The following MMP28 variants were observed in gnomAD, a reference collection of about 807,000 sequenced individuals.
MMP28 encodes the protein matrix metalloproteinase-28.
A neutral mutation model predicts 60.5 loss-of-function variants in MMP28; 55 were observed. The observed-to-expected ratio is 0.91, with a 90% CI of 0.73 to 1.14. MMP28 has a LOEUF of 1.14. MMP28 is among the 50% of genes most tolerant of loss of function. The probability of loss-of-function intolerance (pLI) is 0.00; values close to 1 mark genes in which losing one functional copy is unlikely to be tolerated. For synonymous variants in MMP28, 318 were observed against 312.5 expected, an observed-to-expected ratio of 1.02 and a Z score of -0.18; for missense variants, 686 against 738.3, an observed-to-expected ratio of 0.93 and a Z score of 0.82.
At chr17:35,764,069 G>A (rs950878139), downstream of MMP28, 6 of 1,550,100 alleles carry the variant, frequency 3.9e-6, no homozygotes, top group Admixed American at 2.0e-5. Context: ...CGCGGAGCAA[G>A]AGGAAGGGAA....
chr17:35,771,555 G>A (rs2086140995), intron 4 of MMP28, among the ~76,000 whole-genome samples: 1 of 149,752 alleles, frequency 6.7e-6, no homozygotes, highest in South Asian at 2.1e-4. Flanking sequence ...GGAGCATTCA[G>A]TGTATGAAAG....
chr17:35,771,736 T>A lies in MMP28; in HGVS notation c.605-1424A>T, dbSNP rs1168720366. ...ATATATATATATATATATATATATA[T>A]ATATATATATATATATATAAAATTG... On this transcript the variant is annotated intron_variant, in intron 4 of 7. Coordinates refer to ENST00000605424, the MANE Select transcript of MMP28 (RefSeq NM_024302.5). 6.2e-4 allele frequency among the ~76,000 whole-genome samples: 57 copies of A among 92,432 alleles called. 4 individuals carry two copies. The highest frequency in any genetic ancestry group is 1.9e-3 in the African/African-American group (47 of 24,280). The allele number at this position is 92,432 out of a possible 152,430, so 60.6% of individuals were successfully genotyped here.
At chr17:35,771,739 AT>A (rs2086158806) in intron 4 of MMP28, among the ~76,000 whole-genome samples, 7 of 73,550 alleles carry the variant, frequency 9.5e-5, no homozygotes, top group African/African-American at 3.5e-4. Flanking sequence ...ATATATATAT[AT>A]ATATATATAT....
chr17:35,764,844 C>A, downstream of MMP28: 1 of 427,672 alleles, frequency 2.3e-6, no homozygotes, highest in Non-Finnish European at 4.1e-6. Context: ...ACCTAGAGCC[C>A]GCTGTCAACA....
chr17:35,777,437 A>G lies in MMP28; in HGVS notation c.379+1451T>C, dbSNP rs149956862. On this transcript the variant is annotated intron_variant, in intron 3 of 7. Transcript: ENST00000605424. ...TACTGAGGACCCAGAGTGGCTGGGC[A>G]TATAGGTGAAGCAGAATTGGTTTGG... Among the ~76,000 whole-genome samples, 445 of 152,314 alleles carry G rather than the reference A, an allele frequency of 2.9e-3. 1 individual carries two copies. Among genetic ancestry groups the G allele is most frequent in the African/African-American group, 0.01 (419 of 41,574 alleles).
downstream of MMP28, among the ~76,000 whole-genome samples, chr17:35,763,565 C>A (rs1555601940): frequency 6.7e-6 from 1 of 149,866 alleles, no homozygotes; most frequent in Non-Finnish European, 1.5e-5. Flanking sequence ...AGATTACAGG[C>A]GTGAGCCACC....
chr17:35,764,784 T>C, downstream of MMP28: 1 of 728,920 alleles, frequency 1.4e-6, no homozygotes, highest in South Asian at 2.2e-5. Flanking sequence ...CCACTGTTGG[T>C]GCTTGGTTCC....
chr17:35,774,734 C>T (rs1164567708), intron 3 of MMP28, among the ~76,000 whole-genome samples: 2 of 152,210 alleles, frequency 1.3e-5, no homozygotes, highest in African/African-American at 4.8e-5. Context: ...GCCACCCAAC[C>T]TCTGCCTCCC....
chr17:35,763,438 C>CTT (rs782005643), downstream of MMP28, among the ~76,000 whole-genome samples: 703 of 101,394 alleles, frequency 6.9e-3, 4 homozygotes, highest in African/African-American at 0.02. Flanking sequence ...CCATGCCCAG[C>CTT]TTTTTTTTTT....
chr17:35,767,654 C>T (rs932811087), intron 7 of MMP28, 98 bp downstream of exon 7: 24 of 1,396,746 alleles, frequency 1.7e-5, no homozygotes, highest in African/African-American at 4.3e-5. Flanking sequence ...ACCATGGACT[C>T]GTGTGAGAGT....
chr17:35,761,271 T>C (rs2085814654), downstream of MMP28, among the ~76,000 whole-genome samples: 2 of 151,268 alleles, frequency 1.3e-5, no homozygotes, highest in African/African-American at 4.9e-5. Flanking sequence ...ACCCAGCTAA[T>C]TTTTGTATTT....
intron 4 of MMP28, among the ~76,000 whole-genome samples, 156 bp from the exon 5 acceptor site, chr17:35,770,468 CAGT>C (rs1421773438): frequency 6.6e-6 from 1 of 152,196 alleles, no homozygotes; most frequent in Non-Finnish European, 1.5e-5. Context: ...CAGAGGTGAA[CAGT>C]AGGCTCTGCA....
intron 1 of MMP28, among the ~76,000 whole-genome samples, chr17:35,793,914 A>G (rs113756161): frequency 0.092 from 13,924 of 152,112 alleles, 792 homozygotes; most frequent in East Asian, 0.22. Context: ...CCTGGCCAAT[A>G]TGGTGAAACC....
Position 35,767,690 on chromosome 17 carries a change from C to T in MMP28, c.1168+62G>A. The T allele has an allele frequency of 7.2e-6, 11 of 1,537,564 alleles. 1 individual carries two copies. Among genetic ancestry groups the T allele is most frequent in the Middle Eastern group, 1.9e-4 (1 of 5,396 alleles). The stretch of plus-strand genomic sequence containing the variant: ...CTTCCCCTCTTTTGTCCTCTTTTGA[C>T]CTTGGGCAGGACACCTTCCCTCTCT... On this transcript the variant is annotated intron_variant, in intron 7 of 7. Coordinates refer to ENST00000605424, the MANE Select transcript of MMP28 (RefSeq NM_024302.5).
At chr17:35,768,123 G>A in intron 6 of MMP28, 107 bp downstream of exon 6, 1 of 1,429,982 alleles carries the variant, frequency 7.0e-7, no homozygotes. Context: ...TGTGGCTTGG[G>A]ATTTCTGGCT....
chr17:35,768,630 T>C (rs55787206), intron 5 of MMP28, among the ~76,000 whole-genome samples: 1,686 of 152,106 alleles, frequency 0.011, 30 homozygotes, highest in African/African-American at 0.039. Flanking sequence ...TTGCCAATGG[T>C]GAAACCCTGT....
Position 35,778,967 on chromosome 17 carries a change from C to A in MMP28, c.300G>T (p.Ala100=), listed in dbSNP as rs2086414189. The change falls in exon 3 of 8, where the codon GCG becomes GCT. Residue 100 remains alanine, a synonymous_variant. Coordinates refer to ENST00000605424, the MANE Select transcript of MMP28 (RefSeq NM_024302.5). ...AGTCACTGATCCTCTCAGCCCAGGC[C>A]GCATAACTGTTGGTATCTGTAACCC... ...RCGVTDTNSY[A]AWAERISDLF... The A allele has an allele frequency of 1.2e-6, 2 of 1,613,934 alleles. No individual in the cohort carries two copies. The highest frequency in any genetic ancestry group is 8.5e-7 in the Non-Finnish European group (1 of 1,179,920).
intron 1 of MMP28, among the ~76,000 whole-genome samples, chr17:35,785,541 G>A (rs1336126093): frequency 4.6e-5 from 7 of 152,044 alleles, no homozygotes; most frequent in Non-Finnish European, 1.0e-4. Flanking sequence ...TCCGCCTCCC[G>A]AGTTCACACC....
At chr17:35,765,175 T>C (rs1168814194), downstream of MMP28, 1 of 152,304 alleles carries the variant, frequency 6.6e-6, no homozygotes, top group Non-Finnish European at 1.5e-5. Flanking sequence ...CTTCCCTCTC[T>C]ACCCCAGAAC....
Sources: gnomAD v4.1 joint callset for allele counts (sites outside exome capture counted in the v4.1 genomes callset) on GRCh38, gnomAD v4.1.1 for gene constraint, MANE v1.5 for transcripts, NCBI Gene and HGNC (gene_info 2026-07-23, HGNC 2026-07-21) for gene names.